Variants in GPHN observed in about 807,000 individuals in gnomAD.
GPHN encodes gephyrin.
A neutral mutation model predicts 95.5 loss-of-function variants in GPHN; 17 were observed. The observed-to-expected ratio is 0.18, with a 90% CI of 0.12 to 0.27. The LOEUF is 0.27. Ranked by LOEUF, GPHN falls within the 10% of genes least tolerant of loss-of-function variation. GPHN has a pLI of 1.00. For synonymous variants in GPHN, 320 were observed against 322.5 expected, an observed-to-expected ratio of 0.99 and a Z score of 0.08; for missense variants, 660 against 978.1, an observed-to-expected ratio of 0.67 and a Z score of 4.34.
At chr14:67,534,802 C>A in the GPHN span, among the ~76,000 whole-genome samples, 1 of 152,082 alleles carries the variant, frequency 6.6e-6, no homozygotes, top group Admixed American at 6.5e-5. Context: ...AAAAAAAAAT[C>A]CAAAGAAATG....
At chr14:66,878,554 A>T (rs1414776771) in intron 4 of GPHN, among the ~76,000 whole-genome samples, 3 of 152,244 alleles carry the variant, frequency 2.0e-5, no homozygotes, top group Admixed American at 2.0e-4. Context: ...TGGGCAAAGG[A>T]TATGAACAGA....
the GPHN span, among the ~76,000 whole-genome samples, chr14:67,603,841 C>G: frequency 1.3e-5 from 2 of 150,478 alleles, no homozygotes; most frequent in African/African-American, 2.4e-5. Flanking sequence ...GCCACCATGC[C>G]CAGCTAATTT....
chr14:67,430,238 G>A, the GPHN span, among the ~76,000 whole-genome samples: 9 of 152,308 alleles, frequency 5.9e-5, no homozygotes, highest in African/African-American at 2.2e-4. Flanking sequence ...CTGGGACAGA[G>A]CTTGAACCCT....
chr14:67,676,784 G>T, the GPHN span: 1 of 152,096 alleles, frequency 6.6e-6, no homozygotes, highest in Admixed American at 6.6e-5. Flanking sequence ...CCATAATAAT[G>T]AACAGTGTTT....
intron 4 of GPHN, among the ~76,000 whole-genome samples, chr14:66,863,147 A>G (rs1405862214): frequency 1.3e-5 from 2 of 152,130 alleles, no homozygotes; most frequent in East Asian, 3.9e-4. Flanking sequence ...TACAAAATCA[A>G]CATACAAAAA....
chr14:67,045,613 GTCTCTGTCTCTCTCCATCTGTCCATCTC>G (rs2153638870), intron 10 of GPHN, among the ~76,000 whole-genome samples: 1 of 145,844 alleles, frequency 6.9e-6, no homozygotes, highest in Non-Finnish European at 1.5e-5. Flanking sequence ...CTCTGTCTGT[GTCTCTGTCTCTCTCCATCTGTCCATCTC>G]TCTCTGCCTC....
intron 9 of GPHN, among the ~76,000 whole-genome samples, chr14:66,967,818 T>C (rs994171046): frequency 1.3e-5 from 2 of 151,996 alleles, no homozygotes; most frequent in South Asian, 2.1e-4. Flanking sequence ...TTCATTTAGA[T>C]AGGGTGAGTA....
At chr14:66,833,479 G>A (rs72728685) in intron 4 of GPHN, among the ~76,000 whole-genome samples, 3,816 of 152,126 alleles carry the variant, frequency 0.025, 70 homozygotes, top group Non-Finnish European at 0.036. Flanking sequence ...TATCACTGCC[G>A]TTATTCAGAG....
the GPHN span, among the ~76,000 whole-genome samples, chr14:67,631,430 C>CTTTTTT: frequency 3.3e-4 from 43 of 128,470 alleles, 4 homozygotes; most frequent in South Asian, 7.4e-4. Flanking sequence ...TCCTTTCTTT[C>CTTTTTT]TTTCTTTTTT....
rs574579144 is a variant in GPHN at position 66,718,780 on chromosome 14, G to A, written c.143+37595G>A. 5.3e-5 allele frequency among the ~76,000 whole-genome samples: 8 copies of A among 152,144 alleles called. No individual in the cohort carries two copies. The East Asian group carries it at 7.7e-4, about 15-fold the overall frequency. On this transcript the variant is annotated intron_variant, in intron 2 of 22. Coordinates refer to ENST00000478722, the MANE Select transcript of GPHN (RefSeq NM_020806.5). The stretch of plus-strand genomic sequence containing the variant: ...AGAAAAGTTCTCCAAGTCCCCACTC[G>A]ACCCAGGAAGTCCAGCTGGCTTCAC...
the GPHN span, chr14:67,204,813 A>G: frequency 6.2e-7 from 1 of 1,614,038 alleles, no homozygotes; most frequent in Non-Finnish European, 8.5e-7. Context: ...CCACGTTCAC[A>G]GCCATCCTGA....
At chr14:67,727,183 G>C in the GPHN span, 2 of 1,612,360 alleles carry the variant, frequency 1.2e-6, no homozygotes, top group Admixed American at 3.3e-5. Context: ...TGGCCAAGAG[G>C]CTCCAAGGTA....
chr14:66,759,344 G>A (rs1404058581), intron 2 of GPHN, among the ~76,000 whole-genome samples: 1 of 151,510 alleles, frequency 6.6e-6, no homozygotes, highest in East Asian at 1.9e-4. Flanking sequence ...GTTTTCCCAA[G>A]GGGCTCTGCA....
At chr14:66,586,410 G>T (rs2061422387) in intron 1 of GPHN, among the ~76,000 whole-genome samples, 1 of 152,166 alleles carries the variant, frequency 6.6e-6, no homozygotes. Context: ...ATTGTTATGT[G>T]TGAATTTGAT....
chr14:67,657,598 G>GCGCGCA, the GPHN span, among the ~76,000 whole-genome samples: 1 of 112,370 alleles, frequency 8.9e-6, no homozygotes, highest in African/African-American at 3.5e-5. Context: ...GCGCGCGCGT[G>GCGCGCA]CACACACACA....
chr14:67,668,140 T>C, the GPHN span, among the ~76,000 whole-genome samples: 5 of 152,192 alleles, frequency 3.3e-5, no homozygotes, highest in Admixed American at 2.0e-4. Flanking sequence ...TTTCAATATT[T>C]TTATGATACA....
At chr14:67,428,815 C>A in the GPHN span, among the ~76,000 whole-genome samples, 9,319 of 152,234 alleles carry the variant, frequency 0.061, 329 homozygotes, top group Middle Eastern at 0.075. Context: ...TGAAGCTCTC[C>A]CCACTGCTGC....
intron 1 of GPHN, among the ~76,000 whole-genome samples, chr14:66,675,478 G>A (rs934345404): frequency 7.2e-5 from 11 of 152,076 alleles, no homozygotes; most frequent in Non-Finnish European, 1.5e-4. Flanking sequence ...TTTTTGATGG[G>A]TTGTGTGAGT....
chr14:67,309,958 G>C, the GPHN span, among the ~76,000 whole-genome samples: 1 of 151,228 alleles, frequency 6.6e-6, no homozygotes, highest in East Asian at 1.9e-4. Flanking sequence ...TCCACTACAA[G>C]TGATGCCAAA....
Sources: gnomAD v4.1 joint callset for allele counts (sites outside exome capture counted in the v4.1 genomes callset) on GRCh38, gnomAD v4.1.1 for gene constraint, MANE v1.5 for transcripts, NCBI Gene and HGNC (gene_info 2026-07-23, HGNC 2026-07-21) for gene names.